Variants in SLCO1B1 observed in about 807,000 individuals in gnomAD.
The protein encoded by SLCO1B1 is OATP-2.
In SLCO1B1, 81 loss-of-function variants were observed where a neutral mutation model predicts 70.1. The ratio of observed to expected loss-of-function variants is 1.16; its 90% CI spans 0.97 to 1.39. The LOEUF is 1.39. Among genes scored for constraint, SLCO1B1 ranks in the 40% most tolerant of loss-of-function variants. The pLI is 0.00. For missense variants in SLCO1B1, 895 were observed against 799.6 expected, an observed-to-expected ratio of 1.12 and a Z score of -1.44; for synonymous variants, 283 against 271.5, an observed-to-expected ratio of 1.04 and a Z score of -0.42.
intron 2 of SLCO1B1, among the ~76,000 whole-genome samples, chr12:21,147,390 A>G (rs1299792784): frequency 6.6e-6 from 1 of 152,058 alleles, no homozygotes; most frequent in Non-Finnish European, 1.5e-5. Flanking sequence ...GCACCCATCA[A>G]CCCGTCATCT....
At chr12:21,230,158 A>T (rs1941518929) in intron 14 of SLCO1B1, among the ~76,000 whole-genome samples, 1 of 152,092 alleles carries the variant, frequency 6.6e-6, no homozygotes, top group African/African-American at 2.4e-5. Context: ...CTGTTAATGT[A>T]ATGAACTGTA....
chr12:21,202,278 A>G (rs1732254601), intron 9 of SLCO1B1, among the ~76,000 whole-genome samples: 2 of 152,114 alleles, frequency 1.3e-5, no homozygotes, highest in South Asian at 4.1e-4. Context: ...TAAAACCTAG[A>G]TGACAGTTTG....
At chr12:21,209,818 A>G (rs1423745387) in intron 11 of SLCO1B1, among the ~76,000 whole-genome samples, 1 of 151,852 alleles carries the variant, frequency 6.6e-6, no homozygotes, top group Non-Finnish European at 1.5e-5. Flanking sequence ...AGTGATGATG[A>G]GCATTTTTTC....
In SLCO1B1 at chr12:21,205,958, T is replaced by A. The variant is rs771009101; in HGVS notation, c.1422T>A (p.Cys474Ter). ...ATGAAAGTCAATGGGAACCAGTCTG[T>A]GGAAACAATGGAATAACTTACATCT... is the stretch of plus-strand genomic sequence containing the variant. ...NCDESQWEPV[C>*]GNNGITYISP... The change falls in exon 11 of 15, where the codon TGT becomes TGA. Residue 474 changes from cysteine (C) to a stop codon, truncating the protein, a stop_gained. Coordinates refer to ENST00000256958, the MANE Select transcript of SLCO1B1 (RefSeq NM_006446.5). LOFTEE classifies it high-confidence loss of function. 5 of 1,612,150 alleles carry A rather than the reference T, an allele frequency of 3.1e-6. No individual in the cohort carries two copies. The African/African-American group carries it at 6.7e-5, about 22-fold the overall frequency.
intron 2 of SLCO1B1, among the ~76,000 whole-genome samples, chr12:21,145,626 C>G (rs1185807620): frequency 6.6e-6 from 1 of 151,606 alleles, no homozygotes; most frequent in Non-Finnish European, 1.5e-5. Flanking sequence ...GAAGCTGTTT[C>G]TTTTTAAAGT....
chr12:21,224,779 G>T lies in SLCO1B1; in HGVS notation c.1805G>T (p.Trp602Leu), dbSNP rs778178385. The stretch of plus-strand genomic sequence containing the variant: ...CTGATTGATACAACGTGTATAAAGT[G>T]GTCCACCAACAACTGTGGCACACGT... Reference protein sequence around the residue: ...GALIDTTCIKWSTNNCGTRGS... With the variant: ...GALIDTTCIKLSTNNCGTRGS... The change falls in exon 14 of 15, where the codon TGG (tryptophan) becomes TTG (leucine). Residue 602 changes from tryptophan to leucine, a missense_variant. Coordinates refer to ENST00000256958, the MANE Select transcript of SLCO1B1 (RefSeq NM_006446.5). 2.2e-5 allele frequency: 36 copies of T among 1,611,662 alleles called. No homozygotes were observed. The highest frequency in any genetic ancestry group is 1.7e-4 in the Middle Eastern group (1 of 5,924).
chr12:21,197,379 A>G (rs1191767503), intron 8 of SLCO1B1, among the ~76,000 whole-genome samples, 191 bp downstream of exon 8: 8 of 152,118 alleles, frequency 5.3e-5, no homozygotes, highest in African/African-American at 1.9e-4. Context: ...TAACAAGTGG[A>G]AGAGAATTAG....
At chr12:21,214,718 C>T (rs1941336663) in intron 11 of SLCO1B1, among the ~76,000 whole-genome samples, 1 of 152,154 alleles carries the variant, frequency 6.6e-6, no homozygotes, top group Non-Finnish European at 1.5e-5. Flanking sequence ...CAGCGAGACT[C>T]CATGGGCGTA....
At chr12:21,182,015 G>A (rs1940904626) in intron 7 of SLCO1B1, among the ~76,000 whole-genome samples, 1 of 152,110 alleles carries the variant, frequency 6.6e-6, no homozygotes, top group Non-Finnish European at 1.5e-5. Flanking sequence ...CACTCAGGAA[G>A]CACCACTTCC....
chr12:21,215,191 C>T lies in SLCO1B1; in HGVS notation c.1498-1928C>T, dbSNP rs186601252. Among the ~76,000 whole-genome samples the T allele has an allele frequency of 4.8e-3, 732 of 152,268 alleles. 3 individuals carry two copies. Among genetic ancestry groups the T allele is most frequent in the Non-Finnish European group, 8.6e-3 (583 of 68,002 alleles). The stretch of plus-strand genomic sequence containing the variant: ...TATTTCTGTCTCTTTCCTGATTGAT[C>T]TGTCTAGGATTTCCAGTACTATGTT... On this transcript the variant is annotated intron_variant, in intron 11 of 14. Coordinates refer to ENST00000256958, the MANE Select transcript of SLCO1B1 (RefSeq NM_006446.5).
chr12:21,150,572 A>T (rs1182929871), intron 2 of SLCO1B1, among the ~76,000 whole-genome samples: 1 of 152,200 alleles, frequency 6.6e-6, no homozygotes, highest in East Asian at 1.9e-4. Context: ...GTGGACCTCC[A>T]GCAAACTCCA....
chr12:21,147,093 G>T (rs1336195685), intron 2 of SLCO1B1, among the ~76,000 whole-genome samples: 1 of 152,006 alleles, frequency 6.6e-6, no homozygotes, highest in Non-Finnish European at 1.5e-5. Context: ...ATAGTTTGCA[G>T]CTCTGTTGTT....
chr12:21,170,958 T>G (rs1158586215), intron 2 of SLCO1B1, among the ~76,000 whole-genome samples: 2 of 152,242 alleles, frequency 1.3e-5, no homozygotes, highest in Non-Finnish European at 2.9e-5. Context: ...CATTATTTCT[T>G]AAGCATCTTT....
chr12:21,133,358 A>G (rs1189711619), intron 1 of SLCO1B1, among the ~76,000 whole-genome samples: 3 of 152,152 alleles, frequency 2.0e-5, no homozygotes, highest in East Asian at 1.9e-4. Context: ...GTTTTTTCCA[A>G]TTCTGTGAAG....
chr12:21,140,284 A>G (rs572192347), intron 1 of SLCO1B1, among the ~76,000 whole-genome samples: 4 of 152,152 alleles, frequency 2.6e-5, no homozygotes, highest in South Asian at 2.1e-4. Context: ...TCATGTATCT[A>G]TGCTGTGTCT....
chr12:21,149,669 G>T (rs993167010), intron 2 of SLCO1B1, among the ~76,000 whole-genome samples: 10 of 152,136 alleles, frequency 6.6e-5, no homozygotes, highest in Non-Finnish European at 1.3e-4. Flanking sequence ...GTGCATTCTG[G>T]TCCAGATACT....
intron 11 of SLCO1B1, among the ~76,000 whole-genome samples, chr12:21,214,012 G>T (rs1394011190): frequency 6.6e-6 from 1 of 151,844 alleles, no homozygotes; most frequent in African/African-American, 2.4e-5. Flanking sequence ...TGGTTTGAAT[G>T]TCCTCCTGTA....
intron 3 of SLCO1B1, among the ~76,000 whole-genome samples, chr12:21,174,316 T>TATAA (rs1940792306): frequency 6.6e-6 from 1 of 152,192 alleles, no homozygotes; most frequent in South Asian, 2.1e-4. Context: ...TTCATTCCAG[T>TATAA]ATAATCCAGT....
rs562377892 is a variant in SLCO1B1 at position 21,228,396 on chromosome 12, C to G, written c.1865+3557C>G. On this transcript the variant is annotated intron_variant, in intron 14 of 14. Coordinates refer to ENST00000256958, the MANE Select transcript of SLCO1B1 (RefSeq NM_006446.5). ...ATTGTCTTCTAAGTTCCATTTTACT[C>G]TTGATAAGTAAGCTGTTGTCTGTTT... Among the ~76,000 whole-genome samples the G allele has an allele frequency of 5.2e-4, 79 of 152,118 alleles. 1 individual carries two copies. The highest frequency in any genetic ancestry group is 9.6e-4 in the Non-Finnish European group (65 of 68,018).
Sources: gnomAD v4.1 joint callset for allele counts (sites outside exome capture counted in the v4.1 genomes callset) on GRCh38, gnomAD v4.1.1 for gene constraint, MANE v1.5 for transcripts, NCBI Gene and HGNC (gene_info 2026-07-23, HGNC 2026-07-21) for gene names.